Variants in ATXN7L1 observed in about 807,000 individuals in gnomAD.
The protein encoded by ATXN7L1 is ataxin-7-like protein 1.
In ATXN7L1, 15 loss-of-function variants were observed where a neutral mutation model predicts 70.8. The ratio of observed to expected loss-of-function variants is 0.21; its 90% CI spans 0.14 to 0.33. The LOEUF (loss-of-function observed/expected upper bound fraction) is 0.33. Among genes scored for constraint, ATXN7L1 ranks in the 10% least tolerant of loss-of-function variants. ATXN7L1 has a pLI of 1.00. For missense variants in ATXN7L1, 975 were observed against 1,097.1 expected, an observed-to-expected ratio of 0.89 and a Z score of 1.57; for synonymous variants, 440 against 445.1, an observed-to-expected ratio of 0.99 and a Z score of 0.14.
chr7:105,642,860 G>A lies in ATXN7L1; in HGVS notation c.840C>T (p.Asn280=). Residue 280 remains asparagine, a synonymous_variant, in exon 5 of 12, where the codon AAC becomes AAT. Coordinates refer to ENST00000419735, the MANE Select transcript of ATXN7L1 (RefSeq NM_020725.2). ...TACCTGAAAGTCTCCTGTAAGGCTT[G>A]TTGCTGTTTTTGGTGCCATTTTGGT... ...KKHQNGTKNS[N]KPYRRLSERE... The A allele has an allele frequency of 1.9e-6, 3 of 1,551,678 alleles. No homozygotes were observed. Among genetic ancestry groups the A allele is most frequent in the Non-Finnish European group, 2.6e-6 (3 of 1,146,964 alleles).
At chr7:105,842,157 A>G (rs1347716541) in intron 2 of ATXN7L1, among the ~76,000 whole-genome samples, 4 of 151,692 alleles carry the variant, frequency 2.6e-5, no homozygotes, top group Non-Finnish European at 4.4e-5. Context: ...CAAACAATGT[A>G]TATTGTCATC....
chr7:105,661,298 T>C (rs79479940), intron 4 of ATXN7L1, among the ~76,000 whole-genome samples: 6,519 of 152,264 alleles, frequency 0.043, 170 homozygotes, highest in East Asian at 0.065. Flanking sequence ...ACGGATGTTC[T>C]AGGCAAAGGT....
chr7:105,641,214 C>CTCTCTTTTTT (rs1316374331), intron 5 of ATXN7L1, among the ~76,000 whole-genome samples: 9 of 21,776 alleles, frequency 4.1e-4, no homozygotes, highest in South Asian at 2.7e-3. Flanking sequence ...CTCTCTCTCT[C>CTCTCTTTTTT]TTTTTTTTTT....
chr7:105,706,173 GT>G (rs1170396212), intron 3 of ATXN7L1, among the ~76,000 whole-genome samples: 1 of 151,702 alleles, frequency 6.6e-6, no homozygotes, highest in African/African-American at 2.4e-5. Context: ...CATCATAGTT[GT>G]TTTTGTTTTT....
rs545387833 is a variant in ATXN7L1 at position 105,710,878 on chromosome 7, G to C, written c.356-45590C>G. Among the ~76,000 whole-genome samples, 525 of 152,244 alleles carry C rather than the reference G, an allele frequency of 3.4e-3. 5 individuals carry two copies. The highest frequency in any genetic ancestry group is 0.012 in the African/African-American group (500 of 41,548). On this transcript the variant is annotated intron_variant, in intron 3 of 11. Transcript: ENST00000419735. Reference sequence around the variant, plus strand: ...GACTGGGCAATTTACAAAAGAAAGAGGTTTAATGGTCTTACAGTTCCACAT... The same window carrying C: ...GACTGGGCAATTTACAAAAGAAAGACGTTTAATGGTCTTACAGTTCCACAT...
chr7:105,778,510 CAAAAAAAA>C (rs745820046), intron 3 of ATXN7L1, among the ~76,000 whole-genome samples: 1 of 34,162 alleles, frequency 2.9e-5, no homozygotes, highest in Non-Finnish European at 6.0e-5. Context: ...GACCCTATCT[CAAAAAAAA>C]AAAAAAAAAA....
At chr7:105,852,634 T>G (rs1314048634) in intron 2 of ATXN7L1, among the ~76,000 whole-genome samples, 2 of 151,968 alleles carry the variant, frequency 1.3e-5, no homozygotes, top group South Asian at 2.1e-4. Flanking sequence ...CTGTCAGCTC[T>G]GATGGAGAGG....
chr7:105,657,966 A>G (rs1022697611), intron 4 of ATXN7L1, among the ~76,000 whole-genome samples: 4 of 152,178 alleles, frequency 2.6e-5, no homozygotes, highest in Non-Finnish European at 5.9e-5. Context: ...ATGTGCTGTA[A>G]GTGTAATAAA....
At chr7:105,767,470 G>C (rs1801430150) in intron 3 of ATXN7L1, among the ~76,000 whole-genome samples, 1 of 152,204 alleles carries the variant, frequency 6.6e-6, no homozygotes, top group African/African-American at 2.4e-5. Context: ...GTCCTCTGGA[G>C]GTGAGCTTTC....
At chr7:105,724,720 G>A (rs946877331) in intron 3 of ATXN7L1, among the ~76,000 whole-genome samples, 3 of 151,892 alleles carry the variant, frequency 2.0e-5, no homozygotes, top group Non-Finnish European at 4.4e-5. Context: ...GATCTTCACT[G>A]TTCTTGGGAT....
chr7:105,744,459 G>A (rs552247240), intron 3 of ATXN7L1, among the ~76,000 whole-genome samples: 2 of 152,004 alleles, frequency 1.3e-5, no homozygotes, highest in Non-Finnish European at 2.9e-5. Context: ...TTTCTGAGCT[G>A]CCCAGTCCCC....
chr7:105,875,525 T>C (rs1818994935), intron 2 of ATXN7L1, among the ~76,000 whole-genome samples: 1 of 151,660 alleles, frequency 6.6e-6, no homozygotes, highest in African/African-American at 2.4e-5. Context: ...CATTTGGCAA[T>C]GATGCTCCCA....
chr7:105,814,382 A>C (rs536979188), intron 2 of ATXN7L1, among the ~76,000 whole-genome samples: 1 of 152,158 alleles, frequency 6.6e-6, no homozygotes, highest in East Asian at 1.9e-4. Flanking sequence ...GAAGATGTTG[A>C]AGAAGGGGAT....
intron 2 of ATXN7L1, among the ~76,000 whole-genome samples, chr7:105,849,695 A>C (rs1814596013): frequency 6.6e-6 from 1 of 152,198 alleles, no homozygotes; most frequent in Admixed American, 6.5e-5. Context: ...CCCTGAGGTC[A>C]CTGGGGCTCC....
At chr7:105,619,001 C>T (rs1239870076) in intron 9 of ATXN7L1, among the ~76,000 whole-genome samples, 4 of 151,946 alleles carry the variant, frequency 2.6e-5, no homozygotes, top group African/African-American at 4.8e-5. Context: ...CCTAAGGAGG[C>T]GGGAAGGGCC....
At chr7:105,739,498 T>A (rs1004173768) in intron 3 of ATXN7L1, among the ~76,000 whole-genome samples, 6 of 152,302 alleles carry the variant, frequency 3.9e-5, no homozygotes, top group African/African-American at 1.2e-4. Context: ...CTTTTACAGT[T>A]AATTTTACCT....
intron 4 of ATXN7L1, among the ~76,000 whole-genome samples, chr7:105,651,418 T>C (rs1439874833): frequency 3.3e-5 from 5 of 151,992 alleles, no homozygotes; most frequent in Admixed American, 2.0e-4. Context: ...CACCGATACT[T>C]GAAAGGTATA....
intron 2 of ATXN7L1, among the ~76,000 whole-genome samples, chr7:105,849,720 G>T (rs1008833570): frequency 6.6e-6 from 1 of 152,178 alleles, no homozygotes; most frequent in African/African-American, 2.4e-5. Context: ...GGATGTTCAG[G>T]CCCCTGAATG....
chr7:105,676,350 C>A (rs932206166), intron 3 of ATXN7L1, among the ~76,000 whole-genome samples: 3 of 152,160 alleles, frequency 2.0e-5, no homozygotes, highest in Non-Finnish European at 4.4e-5. Flanking sequence ...GGAGTCACCA[C>A]AGCTTTGGTG....
Sources: allele counts gnomAD v4.1 joint callset (sites outside exome capture counted in the v4.1 genomes callset), GRCh38; gene constraint gnomAD v4.1.1; transcripts MANE v1.5; gene names NCBI Gene and HGNC (gene_info 2026-07-23, HGNC 2026-07-21).